Variants in TAB1 observed in about 807,000 individuals in gnomAD.
The protein encoded by TAB1 is TGF-beta-activated kinase 1 and MAP3K7-binding protein 1.
TAB1 carries 30 observed loss-of-function variants against 54.5 expected under a neutral mutation model. The ratio of observed to expected loss-of-function variants is 0.55; its 90% confidence interval spans 0.41 to 0.75. The LOEUF (loss-of-function observed/expected upper bound fraction) is 0.75. Among genes scored for constraint, TAB1 ranks in the 30% least tolerant of loss-of-function variants. The pLI is 0.00. For missense variants in TAB1, 609 were observed against 683.2 expected (o/e 0.89, Z 1.21); for synonymous variants, 289 against 286.9 (o/e 1.01, Z -0.07).
In TAB1 at chr22:39,421,701, C is replaced by T. The variant is rs1405933626; in HGVS notation, c.777-126C>T. 7 of 1,027,932 alleles carry T rather than the reference C, an allele frequency of 6.8e-6. No individual in the cohort carries two copies. The East Asian group carries it at 1.3e-4, about 19-fold the overall frequency. 63.7% of individuals were successfully genotyped at this position (1,027,932 alleles called of 1,614,324 possible). On this transcript the variant is annotated intron_variant, in intron 7 of 10. Coordinates refer to ENST00000216160, the MANE Select transcript of TAB1 (RefSeq NM_006116.3). Reference sequence around the variant, plus strand: ...TTCTGACCTTCTCTTTCTCTCTTTTCTTTTCCTCTTGTCAGGTTGTGTGTT... The same window carrying T: ...TTCTGACCTTCTCTTTCTCTCTTTTTTTTTCCTCTTGTCAGGTTGTGTGTT...
chr22:39,430,921 G>T lies in TAB1; in HGVS notation c.*699G>T. ...GCGGCCTGGGCTTCCCCAGAGCCAG[G>T]CGTGCGGGAGAGGTGAGGACTGGCC... is the stretch of plus-strand genomic sequence containing the variant. On this transcript the variant is annotated 3_prime_UTR_variant, in exon 11 of 11. Coordinates refer to ENST00000216160, the MANE Select transcript of TAB1 (RefSeq NM_006116.3). 1.0e-6 allele frequency: 1 copy of T among 987,306 alleles called. No homozygotes were observed. Among genetic ancestry groups the T allele is most frequent in the East Asian group, 1.1e-4 (1 of 8,858 alleles). The allele number at this position is 987,306 out of a possible 1,614,324, so 61.2% of individuals were successfully genotyped here. A position where few individuals can be genotyped will look rare whatever the true frequency, so the allele number is the denominator to read the frequency against.
rs1927594943 is a variant in TAB1, at chr22:39,431,746, A to G, written c.*1524A>G. 1 of 985,508 alleles carries G rather than the reference A, an allele frequency of 1.0e-6. No individual in the cohort carries two copies. Among genetic ancestry groups the G allele is most frequent in the Non-Finnish European group, 1.2e-6 (1 of 829,964 alleles). 61.0% of individuals were successfully genotyped at this position (985,508 alleles called of 1,614,324 possible). On this transcript the variant is annotated 3_prime_UTR_variant, in exon 11 of 11. Coordinates refer to ENST00000216160, the MANE Select transcript of TAB1 (RefSeq NM_006116.3). ...TCTGCAGGTGAGAGGATTTAAAGTC[A>G]GTCACAAAGGCTTGGGAACAAAAGG...
At chr22:39,428,414 C>T (rs1005226798) in intron 10 of TAB1, among the ~76,000 whole-genome samples, 2 of 152,222 alleles carry the variant, frequency 1.3e-5, no homozygotes, top group Non-Finnish European at 2.9e-5. Flanking sequence ...TCTTGTGGGC[C>T]CATCTGCTGG....
In TAB1 at chr22:39,427,435, G is replaced by A. The variant is rs535008093; in HGVS notation, c.1144+510G>A. 3.3e-5 allele frequency among the ~76,000 whole-genome samples: 5 copies of A among 152,350 alleles called. No homozygotes were observed. The South Asian group carries it at 8.3e-4, about 25-fold the overall frequency. On this transcript the variant is annotated intron_variant, in intron 9 of 10. Coordinates refer to ENST00000216160, the MANE Select transcript of TAB1 (RefSeq NM_006116.3). ...ACTGGAGCAGGGCAGGGAGAAGGAC[G>A]TTTTGCTTTTTACCTATGTCATTCT... is the stretch of plus-strand genomic sequence containing the variant.
chr22:39,405,963 T>TA (rs1926345287), intron 1 of TAB1, among the ~76,000 whole-genome samples: 1 of 152,218 alleles, frequency 6.6e-6, no homozygotes, highest in Admixed American at 6.5e-5. Flanking sequence ...TCATTGGATC[T>TA]AAGACACCAA....
chr22:39,432,098 G>A (rs1359392252), downstream of TAB1, among the ~76,000 whole-genome samples: 1 of 152,180 alleles, frequency 6.6e-6, no homozygotes, highest in Non-Finnish European at 1.5e-5. Flanking sequence ...CCCACTCTCG[G>A]ACCCAGATGT....
chr22:39,401,260 AATT>A (rs1926132723), intron 1 of TAB1, among the ~76,000 whole-genome samples: 1 of 152,160 alleles, frequency 6.6e-6, no homozygotes, highest in South Asian at 2.1e-4. Flanking sequence ...AGAGCCTTGA[AATT>A]ATTCTCCCAG....
At chr22:39,434,700 C>A (rs1347470211), downstream of TAB1, among the ~76,000 whole-genome samples, 1 of 152,182 alleles carries the variant, frequency 6.6e-6, no homozygotes, top group African/African-American at 2.4e-5. Context: ...CCTTCAGGGA[C>A]CCCCAGAAAG....
chr22:39,409,023 T>A (rs1165546898), intron 1 of TAB1, among the ~76,000 whole-genome samples: 2 of 152,212 alleles, frequency 1.3e-5, no homozygotes, highest in Non-Finnish European at 2.9e-5. Flanking sequence ...GTGTTAATAT[T>A]ATTCATCTCA....
At chr22:39,400,461 T>C (rs1926088384) in intron 1 of TAB1, among the ~76,000 whole-genome samples, 1 of 152,118 alleles carries the variant, frequency 6.6e-6, no homozygotes, top group Non-Finnish European at 1.5e-5. Context: ...TGGTCCTGGC[T>C]CTGACTGTGT....
At chr22:39,417,649 G>A (rs1926895231) in intron 4 of TAB1, 62 bp from the exon 5 acceptor site, 3 of 1,470,966 alleles carry the variant, frequency 2.0e-6, no homozygotes, top group East Asian at 5.0e-5. Context: ...AAAGGGAGTG[G>A]AGAGGGCTAG....
Position 39,426,917 on chromosome 22 carries a change from C to T in TAB1, c.1136C>T (p.Pro379Leu), listed in dbSNP as rs1055536056. ...LGEMSQPTPS[P>L]APAAGGRVYP... ...GAAATGAGCCAGCCCACACCGAGCCCAGCCCCAGGTACGTGTGCTGTGCAG... is the reference window on the plus strand; with the variant it reads ...GAAATGAGCCAGCCCACACCGAGCCTAGCCCCAGGTACGTGTGCTGTGCAG... The change falls in exon 9 of 11, where the codon CCA becomes CTA. Residue 379 changes from proline (P) to leucine (L), a missense_variant. Physicochemically the swap from Pro to Leu is moderately conservative, Grantham distance 98. Transcript: ENST00000216160. 3 of 1,611,328 alleles carry T rather than the reference C, an allele frequency of 1.9e-6. No individual in the cohort carries two copies. In the South Asian group the frequency reaches 3.3e-5, roughly 18 times the overall value.
At chr22:39,407,448 TG>T (rs1926412878) in intron 1 of TAB1, among the ~76,000 whole-genome samples, 1 of 151,948 alleles carries the variant, frequency 6.6e-6, no homozygotes, top group African/African-American at 2.4e-5. Flanking sequence ...AGTAATAGAG[TG>T]GGCAGCCTTG....
At position 39,428,008 on chromosome 22, in the gene TAB1, CTT is replaced by C. The variant is rs748926772; in HGVS notation, c.1145-12_1145-11del. ...AGCTGCTGCCTGAGGCCCCCACTCT[CTT>C]CCTCCCAAAGCTGCAGGAGGACGAG... is the stretch of plus-strand genomic sequence containing the variant. On this transcript the variant is annotated splice_polypyrimidine_tract_variant and intron_variant, in intron 9 of 10. Coordinates refer to ENST00000216160, the MANE Select transcript of TAB1 (RefSeq NM_006116.3). 6.4e-7 allele frequency: 1 copy of C among 1,572,458 alleles called. No homozygotes were observed. Among genetic ancestry groups the C allele is most frequent in the East Asian group, 2.3e-5 (1 of 44,148 alleles).
chr22:39,407,559 C>T (rs1327338207), intron 1 of TAB1, among the ~76,000 whole-genome samples: 1 of 151,956 alleles, frequency 6.6e-6, no homozygotes, highest in Non-Finnish European at 1.5e-5. Context: ...TCTCGGCTCA[C>T]TGCACGCTCT....
At chr22:39,432,057 G>A (rs1419963674), downstream of TAB1, among the ~76,000 whole-genome samples, 3 of 150,456 alleles carry the variant, frequency 2.0e-5, no homozygotes, top group Non-Finnish European at 4.4e-5. Flanking sequence ...CACAGCCCCG[G>A]GGAAACATGG....
At chr22:39,434,540 G>A (rs1927714190), downstream of TAB1, among the ~76,000 whole-genome samples, 1 of 152,264 alleles carries the variant, frequency 6.6e-6, no homozygotes, top group African/African-American at 2.4e-5. Flanking sequence ...CATGAGCACA[G>A]GCTCTGTTCC....
intron 7 of TAB1, among the ~76,000 whole-genome samples, chr22:39,420,928 T>TGTGTG (rs1569199384): frequency 7.3e-5 from 6 of 82,084 alleles, no homozygotes; most frequent in African/African-American, 2.1e-4. Flanking sequence ...GTGTGTGTGT[T>TGTGTG]TGTCCTGGGG....
intron 1 of TAB1, among the ~76,000 whole-genome samples, chr22:39,411,638 T>C (rs1050463478): frequency 3.3e-5 from 5 of 152,164 alleles, no homozygotes; most frequent in Non-Finnish European, 5.9e-5. Flanking sequence ...GAAATGCAAA[T>C]GGTTCAGCTG....
Sources: allele counts gnomAD v4.1 joint callset (sites outside exome capture counted in the v4.1 genomes callset), GRCh38; gene constraint gnomAD v4.1.1; transcripts MANE v1.5; gene names NCBI Gene and HGNC (gene_info 2026-07-23, HGNC 2026-07-21).